CDK5RAP2: variants seen among roughly 807,000 people sequenced by gnomAD.
The protein encoded by CDK5RAP2 is CDK5 regulatory subunit-associated protein 2.
CDK5RAP2 carries 147 observed loss-of-function variants against 232.9 expected under a neutral mutation model. That is an observed-to-expected ratio of 0.63 (90% CI 0.55 to 0.72). The LOEUF is 0.72. Ranked by LOEUF, CDK5RAP2 falls within the 30% of genes least tolerant of loss-of-function variation. CDK5RAP2 has a pLI of 0.00. For synonymous variants in CDK5RAP2, 833 were observed against 833.7 expected (o/e 1.00, Z 0.01); for missense variants, 2,195 against 2,231.5 (o/e 0.98, Z 0.33).
chr9:120,502,515 C>G (rs1342843253), intron 12 of CDK5RAP2, among the ~76,000 whole-genome samples: 3 of 152,196 alleles, frequency 2.0e-5, no homozygotes, highest in African/African-American at 7.2e-5. Context: ...TTTAATTCAG[C>G]TACCTAGGTT....
rs55654634 is a variant in CDK5RAP2 at position 120,435,470 on chromosome 9, TACACACACACAC to T, written c.3955+1813_3955+1824del. 6.8e-5 allele frequency among the ~76,000 whole-genome samples: 10 copies of T among 147,410 alleles called. No individual in the cohort carries two copies. The East Asian group carries it at 9.9e-4, about 15-fold the overall frequency. ...TTTTTTAAAAAATAAATTACACATT[TACACACACACAC>T]ACACACACACACACACACACGCCTG... is the stretch of plus-strand genomic sequence containing the variant. On this transcript the variant is annotated intron_variant, in intron 25 of 37. Coordinates refer to ENST00000349780, the MANE Select transcript of CDK5RAP2 (RefSeq NM_018249.6).
In CDK5RAP2 at chr9:120,394,508, T is replaced by G. The variant is rs1445842852; in HGVS notation, c.5578+4A>C. Reference sequence around the variant, plus strand: ...GCATAGCGGCCACCCCCACACTCACTCACATTGATCAAAGATGACTTTTTC... The same window carrying G: ...GCATAGCGGCCACCCCCACACTCACGCACATTGATCAAAGATGACTTTTTC... On this transcript the variant is annotated splice_donor_region_variant and intron_variant, in intron 36 of 37. Coordinates refer to ENST00000349780, the MANE Select transcript of CDK5RAP2 (RefSeq NM_018249.6). The G allele has an allele frequency of 6.2e-7, 1 of 1,614,146 alleles. No homozygotes were observed.
At chr9:120,522,116 T>C (rs574236481) in intron 11 of CDK5RAP2, among the ~76,000 whole-genome samples, 1 of 152,302 alleles carries the variant, frequency 6.6e-6, no homozygotes, top group African/African-American at 2.4e-5. Context: ...TACTCAGTTG[T>C]TTAAAAAGAT....
In CDK5RAP2 at chr9:120,460,583, G is replaced by T; in HGVS notation, c.2191C>A (p.Gln731Lys). The T allele has an allele frequency of 6.2e-7, 1 of 1,614,010 alleles. No individual in the cohort carries two copies. Among genetic ancestry groups the T allele is most frequent in the Non-Finnish European group, 8.5e-7 (1 of 1,179,916 alleles). Residue 731 changes from glutamine to lysine, a missense_variant, in exon 19 of 38, where the codon CAG becomes AAG. Gln to Lys is a moderately conservative substitution (Grantham distance 53). Transcript: ENST00000349780. ...INFLSDQHLQ[Q>K]SNEIMKDLSK... Reference sequence around the variant, plus strand: ...TGAAAGGTTCCTACCTCATTACTCTGCTGCAAATGCTGGTCACTCAGGAAA... The same window carrying T: ...TGAAAGGTTCCTACCTCATTACTCTTCTGCAAATGCTGGTCACTCAGGAAA...
chr9:120,528,040 C>A, intron 9 of CDK5RAP2, 115 bp from the exon 10 acceptor site: 1 of 1,389,290 alleles, frequency 7.2e-7, no homozygotes, highest in South Asian at 1.2e-5. Context: ...TCCTGTCAAC[C>A]TGTGATTAAT....
intron 7 of CDK5RAP2, among the ~76,000 whole-genome samples, chr9:120,532,983 C>A (rs1249081944): frequency 1.3e-5 from 2 of 152,148 alleles, no homozygotes; most frequent in Non-Finnish European, 2.9e-5. Context: ...CCTCTAGGAT[C>A]ACCTTAAAAT....
rs1013758363 is a variant in CDK5RAP2, at chr9:120,467,360, C to A, written c.2106+500G>T. Reference sequence around the variant, plus strand: ...GCCATCTGCAGCACAGGTCCCAGGGCTGGACCAGAGTCAAAGCATCACAGT... The same window carrying A: ...GCCATCTGCAGCACAGGTCCCAGGGATGGACCAGAGTCAAAGCATCACAGT... On this transcript the variant is annotated intron_variant, in intron 18 of 37. Transcript: ENST00000349780. 6.6e-5 allele frequency among the ~76,000 whole-genome samples: 10 copies of A among 152,290 alleles called. No individual in the cohort carries two copies. The East Asian group carries it at 1.2e-3, about 18-fold the overall frequency.
chr9:120,391,943 G>C (rs1277110604), intron 36 of CDK5RAP2, among the ~76,000 whole-genome samples: 1 of 152,238 alleles, frequency 6.6e-6, no homozygotes, highest in African/African-American at 2.4e-5. Context: ...CACCAGCTAT[G>C]CTGCCTGGAG....
intron 32 of CDK5RAP2, among the ~76,000 whole-genome samples, 197 bp from the exon 33 acceptor site, chr9:120,404,310 C>A (rs2033283563): frequency 6.6e-6 from 1 of 152,220 alleles, no homozygotes; most frequent in Non-Finnish European, 1.5e-5. Flanking sequence ...CAGGCCCAGT[C>A]CATTCCCTAG....
intron 4 of CDK5RAP2, 121 bp from the exon 5 acceptor site, chr9:120,545,911 T>TA (rs2041823553): frequency 1.3e-6 from 1 of 786,722 alleles, no homozygotes; most frequent in African/African-American, 1.7e-5. Context: ...AGGCAGATGT[T>TA]AGATTCCAAA....
chr9:120,445,746 G>A (rs1166530612), intron 22 of CDK5RAP2, among the ~76,000 whole-genome samples: 1 of 152,100 alleles, frequency 6.6e-6, no homozygotes. Context: ...TTCAATTCCT[G>A]GACCTGGTTG....
chr9:120,408,225 C>A, intron 31 of CDK5RAP2, 122 bp downstream of exon 31: 1 of 1,106,592 alleles, frequency 9.0e-7, no homozygotes, highest in African/African-American at 1.5e-5. Context: ...AACACCCATC[C>A]ACTCTACCCA....
intron 12 of CDK5RAP2, among the ~76,000 whole-genome samples, chr9:120,505,203 T>G (rs989188122): frequency 6.6e-6 from 1 of 152,250 alleles, no homozygotes; most frequent in Non-Finnish European, 1.5e-5. Context: ...CGTGTCTCTG[T>G]GTCGCCTTTT....
intron 2 of CDK5RAP2, among the ~76,000 whole-genome samples, chr9:120,570,951 C>T (rs1439012739): frequency 6.6e-6 from 1 of 152,210 alleles, no homozygotes; most frequent in Non-Finnish European, 1.5e-5. Context: ...CACTTGAGTC[C>T]AGGAATTCGA....
chr9:120,528,600 A>C, intron 9 of CDK5RAP2, 144 bp downstream of exon 9: 1 of 687,018 alleles, frequency 1.5e-6, no homozygotes, highest in East Asian at 2.7e-5. Flanking sequence ...CCCTTTCTAG[A>C]GTACCTTATG....
intron 28 of CDK5RAP2, among the ~76,000 whole-genome samples, chr9:120,414,797 T>C (rs562269070): frequency 4.1e-4 from 63 of 152,378 alleles, no homozygotes; most frequent in African/African-American, 1.5e-3. Context: ...TAATCCATTA[T>C]AGATGAAAAG....
chr9:120,400,676 TG>T, intron 35 of CDK5RAP2, 65 bp downstream of exon 35: 1 of 1,598,600 alleles, frequency 6.3e-7, no homozygotes, highest in African/African-American at 1.3e-5. Context: ...CTGCTTGGCA[TG>T]GAGGAAACTG....
intron 17 of CDK5RAP2, among the ~76,000 whole-genome samples, chr9:120,469,380 C>G (rs536257208): frequency 1.3e-5 from 2 of 152,224 alleles, no homozygotes; most frequent in South Asian, 2.1e-4. Context: ...GCTGCCCATA[C>G]AGCAACCTTG....
At chr9:120,446,547 T>C (rs1300158421) in intron 22 of CDK5RAP2, among the ~76,000 whole-genome samples, 1 of 152,198 alleles carries the variant, frequency 6.6e-6, no homozygotes, top group Non-Finnish European at 1.5e-5. Context: ...ACTTTAAGGC[T>C]TAAGTCAAAT....
Sources: allele counts gnomAD v4.1 joint callset (sites outside exome capture counted in the v4.1 genomes callset), GRCh38; gene constraint gnomAD v4.1.1; transcripts MANE v1.5; gene names NCBI Gene and HGNC (gene_info 2026-07-23, HGNC 2026-07-21).